The following MRO variants were observed in gnomAD, a reference collection of about 807,000 sequenced individuals.
MRO encodes the protein maestro, also known as protein maestro.
Under a neutral mutation model 31.0 loss-of-function variants are expected in MRO, and 28 were observed. The observed-to-expected ratio is 0.90, with a 90% CI of 0.67 to 1.24. The LOEUF is 1.24. Ranked by LOEUF, MRO falls within the 50% of genes most tolerant of loss-of-function variation. The pLI is 0.00. For missense variants in MRO, 332 were observed against 289.2 expected (o/e 1.15, Z -1.07); for synonymous variants, 108 against 108.4 (o/e 1.00, Z 0.02).
intron 4 of MRO, among the ~76,000 whole-genome samples, chr18:50,806,248 T>C (rs1599019090): frequency 6.6e-6 from 1 of 152,146 alleles, no homozygotes; most frequent in Non-Finnish European, 1.5e-5. Context: ...TAAGACTCTA[T>C]CTTAGCAGAC....
intron 4 of MRO, among the ~76,000 whole-genome samples, chr18:50,806,104 T>C (rs2144613545): frequency 6.6e-6 from 1 of 152,252 alleles, no homozygotes. Flanking sequence ...TTTGTATTTT[T>C]ACAAAAATAT....
chr18:50,818,950 G>A (rs1195919634), intron 2 of MRO, among the ~76,000 whole-genome samples: 3 of 152,262 alleles, frequency 2.0e-5, no homozygotes, highest in South Asian at 2.1e-4. Context: ...CTACTCAGGA[G>A]GCTGAGGCAG....
At chr18:50,824,266 T>A (rs1255807617), upstream of MRO, 1 of 151,856 alleles carries the variant, frequency 6.6e-6, no homozygotes, top group Non-Finnish European at 1.5e-5. Context: ...GAGACCCCCA[T>A]CTCTATAGTT....
Position 50,800,922 on chromosome 18 carries a change from G to A in MRO, c.585+427C>T, listed in dbSNP as rs112993280. On this transcript the variant is annotated intron_variant, in intron 6 of 7. Transcript: ENST00000398439. ...AAGAAAGAAAGAACGAAGGAAGAAA[G>A]GAAGGAAGGAAAGAAGGAAGGAAGG... Among the ~76,000 whole-genome samples the A allele has an allele frequency of 1.1e-3, 165 of 150,046 alleles. 1 individual carries two copies. Among genetic ancestry groups the A allele is most frequent in the African/African-American group, 3.8e-3 (157 of 40,798 alleles).
intron 3 of MRO, among the ~76,000 whole-genome samples, 157 bp downstream of exon 3, chr18:50,809,144 CA>C (rs61728184): frequency 0.049 from 4,847 of 99,018 alleles, 366 homozygotes; most frequent in African/African-American, 0.21. Context: ...GACTCCGTCT[CA>C]AAAAAAAAAA....
At chr18:50,823,050 GC>G (rs1915367020), upstream of MRO, among the ~76,000 whole-genome samples, 1 of 152,082 alleles carries the variant, frequency 6.6e-6, no homozygotes, top group South Asian at 2.1e-4. Flanking sequence ...ATCTACTCCT[GC>G]GCTTAGTGAA....
chr18:50,797,932 G>A lies in MRO; in HGVS notation c.*1405C>T, dbSNP rs976984206. On this transcript the variant is annotated 3_prime_UTR_variant, in exon 8 of 8. Transcript: ENST00000398439. Reference sequence around the variant, plus strand: ...CTGCCATCTCCCACATCCTCATCTCGCCTAGGTCTCTCCTCATCCCCGCAT... The same window carrying A: ...CTGCCATCTCCCACATCCTCATCTCACCTAGGTCTCTCCTCATCCCCGCAT... 11 of 152,346 alleles carry A rather than the reference G, an allele frequency of 7.2e-5. No individual in the cohort carries two copies. Among genetic ancestry groups the A allele is most frequent in the Admixed American group, 2.0e-4 (3 of 15,260 alleles). 9.4% of individuals were successfully genotyped at this position (152,346 alleles called of 1,614,324 possible). A position where few individuals can be genotyped will look rare whatever the true frequency, so the allele number is the denominator to read the frequency against.
At chr18:50,803,189 C>G (rs770222826) in intron 5 of MRO, among the ~76,000 whole-genome samples, 2 of 151,988 alleles carry the variant, frequency 1.3e-5, no homozygotes, top group Non-Finnish European at 2.9e-5. Context: ...GATTTCTGCT[C>G]AAAAATTCCA....
At chr18:50,817,575 C>CGGGCCTGAGCACTGCACTTTTTGTATGTG (rs1915035093) in intron 2 of MRO, among the ~76,000 whole-genome samples, 1 of 151,566 alleles carries the variant, frequency 6.6e-6, no homozygotes, top group African/African-American at 2.4e-5. Flanking sequence ...CAGGGAGTGT[C>CGGGCCTGAGCACTGCACTTTTTGTATGTG]GGGCCTGAGC....
At chr18:50,811,746 C>CTT (rs71171344) in intron 2 of MRO, among the ~76,000 whole-genome samples, 2,762 of 80,234 alleles carry the variant, frequency 0.034, 13 homozygotes, top group Non-Finnish European at 0.04. Flanking sequence ...TGTGGTAATT[C>CTT]TTTTTTTTTT....
intron 2 of MRO, among the ~76,000 whole-genome samples, chr18:50,818,051 G>T (rs769754552): frequency 1.5e-5 from 2 of 134,618 alleles, no homozygotes; most frequent in Non-Finnish European, 3.1e-5. Flanking sequence ...TCTAAAACAT[G>T]AAGTCCTTTA....
chr18:50,820,070 T>G, upstream of MRO: 2 of 1,053,012 alleles, frequency 1.9e-6, no homozygotes, highest in African/African-American at 3.1e-5. Flanking sequence ...CCGTTCCCCA[T>G]GCGGCCGCGA....
intron 5 of MRO, among the ~76,000 whole-genome samples, chr18:50,803,596 C>T (rs1373687784): frequency 6.6e-6 from 1 of 152,196 alleles, no homozygotes; most frequent in Admixed American, 6.5e-5. Flanking sequence ...TCCCCGGAGA[C>T]ATCTGCTTAC....
At position 50,819,906 on chromosome 18, in the gene MRO, C is replaced by G; in HGVS notation, c.-136G>C. 6.4e-7 allele frequency: 1 copy of G among 1,551,602 alleles called. No individual in the cohort carries two copies. Among genetic ancestry groups the G allele is most frequent in the Non-Finnish European group, 8.7e-7 (1 of 1,146,896 alleles). On this transcript the variant is annotated 5_prime_UTR_variant, in exon 1 of 8. Coordinates refer to ENST00000398439, the MANE Select transcript of MRO (RefSeq NM_031939.6). The stretch of plus-strand genomic sequence containing the variant: ...AAGCATGACTTGCTACCTTTGCTTC[C>G]CCACGCCATGCTGAGGTGTTTTTCC...
intron 6 of MRO, among the ~76,000 whole-genome samples, 155 bp from the exon 7 acceptor site, chr18:50,800,298 G>T: frequency 6.6e-6 from 1 of 152,214 alleles, no homozygotes; most frequent in East Asian, 1.9e-4. Flanking sequence ...AATCTTAAAG[G>T]ATGTATGCTT....
rs922486176 is a variant in MRO, at chr18:50,799,301, G to A, written c.*36C>T. ...CAGGGGAACATGATGGCTCAGCAAT[G>A]CACTCATACAGAACCATTTCCCTGC... On this transcript the variant is annotated 3_prime_UTR_variant, in exon 8 of 8. Coordinates refer to ENST00000398439, the MANE Select transcript of MRO (RefSeq NM_031939.6). 3.2e-6 allele frequency: 5 copies of A among 1,558,090 alleles called. No homozygotes were observed. The Admixed American group carries it at 6.7e-5, about 21-fold the overall frequency.
intron 6 of MRO, 150 bp downstream of exon 6, chr18:50,801,199 G>C (rs1385390036): frequency 3.0e-6 from 2 of 661,258 alleles, no homozygotes; most frequent in African/African-American, 3.6e-5. Context: ...ACACACCAAA[G>C]AGGCACCTTG....
At chr18:50,809,816 C>G (rs981570095) in intron 2 of MRO, among the ~76,000 whole-genome samples, 1 of 152,240 alleles carries the variant, frequency 6.6e-6, no homozygotes, top group Non-Finnish European at 1.5e-5. Context: ...TTGGCACTAT[C>G]TCTTACCACT....
chr18:50,811,913 T>G (rs1429295488), intron 2 of MRO, among the ~76,000 whole-genome samples: 2 of 152,098 alleles, frequency 1.3e-5, no homozygotes, highest in Non-Finnish European at 2.9e-5. Context: ...GGATAATTTT[T>G]GTATTTTTAG....
Sources: allele counts gnomAD v4.1 joint callset (sites outside exome capture counted in the v4.1 genomes callset), GRCh38; gene constraint gnomAD v4.1.1; transcripts MANE v1.5; gene names NCBI Gene and HGNC (gene_info 2026-07-23, HGNC 2026-07-21).